TRAM1: variants seen among roughly 807,000 people sequenced by gnomAD.
TRAM1 encodes the protein translocating chain-associated membrane protein 1.
Under a neutral mutation model 48.7 loss-of-function variants are expected in TRAM1, and 17 were observed. The observed-to-expected ratio is 0.35, with a 90% CI of 0.24 to 0.52. TRAM1 has a LOEUF of 0.52. TRAM1 is among the 20% of genes least tolerant of loss of function. The pLI, the probability that TRAM1 is intolerant of heterozygous loss-of-function variation, is 0.94. For missense variants in TRAM1, 351 were observed against 441.5 expected (o/e 0.79, Z 1.84); for synonymous variants, 182 against 154.0 (o/e 1.18, Z -1.34).
intron 1 of TRAM1, chr8:70,607,589 TCCTCAG>T: frequency 8.8e-6 from 6 of 679,580 alleles, no homozygotes; most frequent in Non-Finnish European, 1.1e-5. Flanking sequence ...AGGCCGGCAC[TCCTCAG>T]ACCCGGGGGC....
At chr8:70,576,771 C>A (rs1816962485) in intron 10 of TRAM1, among the ~76,000 whole-genome samples, 1 of 152,130 alleles carries the variant, frequency 6.6e-6, no homozygotes, top group Non-Finnish European at 1.5e-5. Context: ...GGAGCCCCAT[C>A]CCTTTCAAAG....
chr8:70,603,701 A>G (rs1025799279), intron 1 of TRAM1, among the ~76,000 whole-genome samples: 2 of 152,212 alleles, frequency 1.3e-5, no homozygotes, highest in Non-Finnish European at 2.9e-5. Context: ...TGGGTGACAG[A>G]GTGAGGCTCC....
chr8:70,588,587 C>T (rs1210830493), intron 6 of TRAM1, among the ~76,000 whole-genome samples: 1 of 149,558 alleles, frequency 6.7e-6, no homozygotes, highest in African/African-American at 2.5e-5. Context: ...GACGCTGTCT[C>T]AAAAAGAAAA....
At chr8:70,584,717 T>C (rs1440999494) in intron 8 of TRAM1, among the ~76,000 whole-genome samples, 2 of 152,028 alleles carry the variant, frequency 1.3e-5, no homozygotes, top group Non-Finnish European at 2.9e-5. Context: ...GAATCCAACT[T>C]ACAAGGGATG....
intron 6 of TRAM1, 96 bp from the exon 7 acceptor site, chr8:70,587,272 C>T (rs1279740234): frequency 1.2e-5 from 15 of 1,251,464 alleles, no homozygotes; most frequent in Non-Finnish European, 1.5e-5. Context: ...AGGTTGGTCT[C>T]AAAACCTTGG....
chr8:70,600,688 A>C (rs535041964), intron 1 of TRAM1, among the ~76,000 whole-genome samples: 38 of 152,342 alleles, frequency 2.5e-4, no homozygotes, highest in Admixed American at 2.4e-3. Context: ...CCTAATGACA[A>C]GGAGCTCCGT....
chr8:70,586,821 C>A (rs1043840714), intron 8 of TRAM1, 74 bp downstream of exon 8: 21 of 1,253,382 alleles, frequency 1.7e-5, no homozygotes, highest in Non-Finnish European at 2.2e-5. Context: ...TGGCCTAAAG[C>A]ATGGATCTTG....
At chr8:70,595,141 A>G (rs1232091871) in intron 5 of TRAM1, among the ~76,000 whole-genome samples, 2 of 152,058 alleles carry the variant, frequency 1.3e-5, no homozygotes, top group Non-Finnish European at 2.9e-5. Flanking sequence ...GACAGTCAGA[A>G]TAAGGCACAC....
chr8:70,575,111 A>T, intron 10 of TRAM1, 106 bp from the exon 11 acceptor site: 1 of 789,838 alleles, frequency 1.3e-6, no homozygotes, highest in South Asian at 2.0e-5. Flanking sequence ...AATCCAATTC[A>T]CTCAGGTGAA....
chr8:70,608,261 A>C lies in TRAM1; in HGVS notation c.-62T>G. 2.0e-6 allele frequency: 3 copies of C among 1,488,154 alleles called. No homozygotes were observed. The highest frequency in any genetic ancestry group is 2.7e-6 in the Non-Finnish European group (3 of 1,122,690). The allele number at this position is 1,488,154 out of a possible 1,614,324, so 92.2% of individuals were successfully genotyped here. A position where few individuals can be genotyped will look rare whatever the true frequency, so the allele number is the denominator to read the frequency against. Reference sequence around the variant, plus strand: ...CCGGTTCTGCTCTTCCCAGCTGCTCACCGACTCGCCGCCGCCTCCCGCTGG... The same window carrying C: ...CCGGTTCTGCTCTTCCCAGCTGCTCCCCGACTCGCCGCCGCCTCCCGCTGG... On this transcript the variant is annotated 5_prime_UTR_variant, in exon 1 of 11. It removes the in-frame stop codon of an upstream open reading frame in the 5' UTR. Transcript: ENST00000262213.
intron 1 of TRAM1, among the ~76,000 whole-genome samples, chr8:70,601,345 C>A (rs901459789): frequency 1.3e-5 from 2 of 152,130 alleles, no homozygotes; most frequent in Non-Finnish European, 2.9e-5. Context: ...AAAATACGGT[C>A]GGAAAATATT....
chr8:70,583,745 T>A lies in TRAM1; in HGVS notation c.795A>T (p.Leu265Phe), dbSNP rs745911681. The A allele has an allele frequency of 1.2e-6, 2 of 1,601,110 alleles. No homozygotes were observed. The highest frequency in any genetic ancestry group is 1.1e-5 in the South Asian group (1 of 88,546). ...VLFVLGRLLT[L>F]ILSVLTVGFG... ...AACCAACAGTCAGTACTGAAAGAAT[T>A]AAAGTCAGAAGTCTTCCCAAAACAA... Residue 265 changes from leucine to phenylalanine, a missense_variant, in exon 9 of 11, where the codon TTA becomes TTT. Transcript: ENST00000262213.
intron 1 of TRAM1, 124 bp from the exon 2 acceptor site, chr8:70,600,206 GAATCCTGAC>G: frequency 1.5e-6 from 1 of 681,880 alleles, no homozygotes; most frequent in East Asian, 2.7e-5. Flanking sequence ...CGTTCCTGTG[GAATCCTGAC>G]AGACACAATG....
intron 10 of TRAM1, among the ~76,000 whole-genome samples, 153 bp downstream of exon 10, chr8:70,583,011 A>C (rs1427277579): frequency 6.6e-6 from 1 of 152,228 alleles, no homozygotes; most frequent in Non-Finnish European, 1.5e-5. Flanking sequence ...CCAATTGTGG[A>C]ATGCAGTAAG....
intron 10 of TRAM1, among the ~76,000 whole-genome samples, chr8:70,581,772 T>C (rs1257305394): frequency 2.0e-5 from 3 of 152,224 alleles, no homozygotes; most frequent in Non-Finnish European, 4.4e-5. Context: ...AAAGGTTCCA[T>C]ACAATGGAAT....
Position 70,586,880 on chromosome 8 carries a change from G to A in TRAM1, c.746+15C>T. 6.2e-7 allele frequency: 1 copy of A among 1,604,206 alleles called. No homozygotes were observed. The highest frequency in any genetic ancestry group is 8.5e-7 in the Non-Finnish European group (1 of 1,171,430). ...ATACCTAGTACACGAGAAATAGAAT[G>A]GCTAAACAACTTACCCTTTCTGATA... On this transcript the variant is annotated intron_variant, in intron 8 of 10. Transcript: ENST00000262213.
chr8:70,579,406 G>A (rs1194462869), intron 10 of TRAM1, among the ~76,000 whole-genome samples: 1 of 152,124 alleles, frequency 6.6e-6, no homozygotes, highest in Non-Finnish European at 1.5e-5. Flanking sequence ...CACATATGTT[G>A]TACAGCTGTT....
intron 10 of TRAM1, among the ~76,000 whole-genome samples, chr8:70,576,655 C>T (rs1277456178): frequency 2.0e-5 from 3 of 152,142 alleles, no homozygotes; most frequent in African/African-American, 7.2e-5. Context: ...CTGCAACCTC[C>T]ACTTCTCAGT....
chr8:70,594,616 T>A (rs778629385), intron 5 of TRAM1, 26 bp from the exon 6 acceptor site: 2 of 1,538,298 alleles, frequency 1.3e-6, no homozygotes, highest in East Asian at 2.3e-5. Context: ...AAATGAAGAG[T>A]ACCTTTTAAA....
Sources: gnomAD v4.1 joint callset for allele counts (sites outside exome capture counted in the v4.1 genomes callset) on GRCh38, gnomAD v4.1.1 for gene constraint, MANE v1.5 for transcripts, NCBI Gene and HGNC (gene_info 2026-07-23, HGNC 2026-07-21) for gene names.